TEX14: variants seen among roughly 807,000 people sequenced by gnomAD.
TEX14 encodes the protein testis expressed 14, intercellular bridge forming factor, also known as inactive serine/threonine-protein kinase TEX14.
Under a neutral mutation model 178.6 loss-of-function variants are expected in TEX14, and 168 were observed. The observed-to-expected ratio is 0.94, with a 90% confidence interval of 0.83 to 1.07. TEX14 has a LOEUF of 1.07. TEX14 is among the 50% of genes least tolerant of loss of function. The pLI is 0.00. For missense variants in TEX14, 1,730 were observed against 1,753.6 expected (o/e 0.99, Z 0.24); for synonymous variants, 626 against 634.1 (o/e 0.99, Z 0.19).
intron 1 of TEX14, among the ~76,000 whole-genome samples, chr17:58,671,648 G>C (rs2047305343): frequency 6.6e-6 from 1 of 151,982 alleles, no homozygotes; most frequent in Non-Finnish European, 1.5e-5. Context: ...AAATAGACAG[G>C]GTCCATCCCT....
intron 29 of TEX14, among the ~76,000 whole-genome samples, chr17:58,560,394 C>G (rs992324714): frequency 2.6e-5 from 4 of 152,144 alleles, no homozygotes; most frequent in African/African-American, 9.7e-5. Flanking sequence ...TATTCCGCCC[C>G]CGTTCAAATG....
chr17:58,626,566 T>A, intron 3 of TEX14, among the ~76,000 whole-genome samples: 2 of 38,936 alleles, frequency 5.1e-5, no homozygotes, highest in East Asian at 8.0e-4. Flanking sequence ...TGAGACTCCA[T>A]CTCAAAAAAA....
chr17:58,556,818 T>C lies in TEX14; in HGVS notation c.*193A>G. The C allele has an allele frequency of 1.6e-5, 8 of 488,694 alleles. No individual in the cohort carries two copies. 30.3% of individuals were successfully genotyped at this position (488,694 alleles called of 1,614,324 possible). A position where few individuals can be genotyped will look rare whatever the true frequency, so the allele number is the denominator to read the frequency against. ...ACCTCTCACTTTTCAGAAATCTGAC[T>C]GAAAACAAATGGTTGAATGTGCTGC... is the stretch of plus-strand genomic sequence containing the variant. On this transcript the variant is annotated 3_prime_UTR_variant, in exon 32 of 32. Coordinates refer to ENST00000349033, the MANE Select transcript of TEX14 (RefSeq NM_031272.5).
At chr17:58,620,184 CAGG>C (rs1225079171) in intron 5 of TEX14, among the ~76,000 whole-genome samples, 4 of 152,120 alleles carry the variant, frequency 2.6e-5, no homozygotes, top group Non-Finnish European at 5.9e-5. Context: ...GGGGCAGAGG[CAGG>C]AGATGAAGGG....
At chr17:58,593,231 A>C (rs1045324693) in intron 15 of TEX14, among the ~76,000 whole-genome samples, 1 of 152,158 alleles carries the variant, frequency 6.6e-6, no homozygotes, top group African/African-American at 2.4e-5. Context: ...TAGTTTCTGG[A>C]GCACTGGTAA....
intron 14 of TEX14, among the ~76,000 whole-genome samples, chr17:58,594,281 G>T (rs2045227867): frequency 6.6e-6 from 1 of 151,130 alleles, no homozygotes; most frequent in African/African-American, 2.4e-5. Flanking sequence ...GAAGACAGCA[G>T]ATCTTTGTGG....
chr17:58,585,765 G>A lies in TEX14; in HGVS notation c.3070+36C>T, dbSNP rs200415749. 49 of 1,606,092 alleles carry A rather than the reference G, an allele frequency of 3.1e-5. No individual in the cohort carries two copies. The African/African-American group carries it at 5.5e-4, about 18-fold the overall frequency. On this transcript the variant is annotated intron_variant, in intron 18 of 31. Coordinates refer to ENST00000349033, the MANE Select transcript of TEX14 (RefSeq NM_031272.5). ...CACCTCGCCCGACTGATACTTGATT[G>A]AGTTCACCTATCCTGATTCCCGCAA...
chr17:58,601,980 A>C (rs201707515), intron 12 of TEX14, 24 bp from the exon 13 acceptor site: 510 of 1,611,870 alleles, frequency 3.2e-4, no homozygotes, highest in Non-Finnish European at 4.2e-4. Context: ...AATATTGTCA[A>C]GGACATAGTC....
chr17:58,645,348 T>C (rs528905350), intron 2 of TEX14, among the ~76,000 whole-genome samples: 6 of 151,506 alleles, frequency 4.0e-5, no homozygotes, highest in African/African-American at 1.5e-4. Flanking sequence ...CTCATAGATA[T>C]ATTATGGCTT....
intron 10 of TEX14, among the ~76,000 whole-genome samples, chr17:58,608,157 C>G (rs302849): frequency 0.3 from 45,064 of 151,830 alleles, 7,132 homozygotes; most frequent in Middle Eastern, 0.48. Context: ...GGGGCTCACG[C>G]CTGTATTCCC....
chr17:58,598,729 G>T, intron 14 of TEX14, 147 bp downstream of exon 14: 1 of 792,584 alleles, frequency 1.3e-6, no homozygotes. Flanking sequence ...TGCTTAGGAT[G>T]CCCCTTCCTC....
chr17:58,611,032 G>A (rs2045732663), intron 10 of TEX14, 129 bp downstream of exon 10: 2 of 684,324 alleles, frequency 2.9e-6, no homozygotes, highest in Admixed American at 4.7e-5. Flanking sequence ...TTTGGGACAG[G>A]TTCAGCAACT....
At chr17:58,593,711 T>C (rs758978908) in intron 14 of TEX14, 50 bp from the exon 15 acceptor site, 38 of 1,407,660 alleles carry the variant, frequency 2.7e-5, no homozygotes, top group Non-Finnish European at 3.5e-5. Flanking sequence ...GAATTCCCAC[T>C]CTCTTCACTG....
intron 1 of TEX14, among the ~76,000 whole-genome samples, chr17:58,684,936 T>A (rs2047566217): frequency 6.6e-6 from 1 of 152,094 alleles, no homozygotes; most frequent in African/African-American, 2.4e-5. Context: ...AAATCATGCC[T>A]AGGTGACAGA....
chr17:58,679,236 T>C (rs1265307758), intron 1 of TEX14, among the ~76,000 whole-genome samples: 3 of 152,040 alleles, frequency 2.0e-5, no homozygotes, highest in Non-Finnish European at 4.4e-5. Context: ...GATGCTAAAT[T>C]GTTAGCTTTG....
intron 2 of TEX14, among the ~76,000 whole-genome samples, chr17:58,631,368 A>AGGG (rs1222457875): frequency 6.6e-6 from 1 of 152,162 alleles, no homozygotes; most frequent in East Asian, 1.9e-4. Context: ...CTGAAGCATG[A>AGGG]GGACTGCTTA....
Position 58,616,347 on chromosome 17 carries a change from G to A in TEX14, c.637-42C>T, listed in dbSNP as rs544132059. 9.4e-6 allele frequency: 15 copies of A among 1,596,562 alleles called. No individual in the cohort carries two copies. The Middle Eastern group carries it at 5.0e-4, about 54-fold the overall frequency. On this transcript the variant is annotated intron_variant, in intron 6 of 31. Transcript: ENST00000349033. ...GCCTCAAATTATGGGGAGAAGGGGG[G>A]AAAAGCAGAATACATCCAGAATCTT...
rs576603353 is a variant in TEX14, at chr17:58,571,982, G to C, written c.3656C>G (p.Ala1219Gly). Residue 1219 changes from alanine (A) to glycine (G), a missense_variant, in exon 24 of 32, where the codon GCA (alanine) becomes GGA (glycine). By Grantham distance (60) the Ala-to-Gly change is moderately conservative. This residue lies in a region of TEX14 where 941 missense variants were observed against 1,072.4 expected (regional missense o/e 0.88). Transcript: ENST00000349033. ...AGTAAGGAGAGAATCCAGTTTCTTT[G>C]CTCTCTCTCGGACACTTATAAAGTC... ...SDDFISVRER[A>G]KKLDSLLTSS... 9 of 1,614,072 alleles carry C rather than the reference G, an allele frequency of 5.6e-6. No individual in the cohort carries two copies. In the South Asian group the frequency reaches 9.9e-5, roughly 18 times the overall value.
chr17:58,635,427 TC>T (rs1010612479), intron 2 of TEX14, among the ~76,000 whole-genome samples: 1 of 141,234 alleles, frequency 7.1e-6, no homozygotes, highest in African/African-American at 2.8e-5. Flanking sequence ...AGGGCTTCTC[TC>T]TTTTTTTTTT....
Sources: allele counts gnomAD v4.1 joint callset (sites outside exome capture counted in the v4.1 genomes callset), GRCh38; gene constraint gnomAD v4.1.1; regional missense constraint gnomAD v4.1.1; transcripts MANE v1.5; gene names NCBI Gene and HGNC (gene_info 2026-07-23, HGNC 2026-07-21).